LGR6: variants seen among roughly 807,000 people sequenced by gnomAD.
The protein encoded by LGR6 is leucine rich repeat containing G protein-coupled receptor 6.
A neutral mutation model predicts 69.4 loss-of-function variants in LGR6; 45 were observed. The ratio of observed to expected loss-of-function variants is 0.65; its 90% CI spans 0.51 to 0.83. LGR6 has a LOEUF of 0.83. Among genes scored for constraint, LGR6 ranks in the 40% least tolerant of loss-of-function variants. The pLI is 0.00. For missense variants in LGR6, 1,108 were observed against 1,246.7 expected, an observed-to-expected ratio of 0.89 and a Z score of 1.68; for synonymous variants, 538 against 555.0, an observed-to-expected ratio of 0.97 and a Z score of 0.43.
intron 4 of LGR6, among the ~76,000 whole-genome samples, chr1:202,262,661 ATAC>A (rs1227467152): frequency 6.6e-6 from 1 of 152,172 alleles, no homozygotes; most frequent in Non-Finnish European, 1.5e-5. Context: ...ATCCTCTGGA[ATAC>A]CTATGATTCT....
Position 202,319,243 on chromosome 1 carries a change from C to G in LGR6, c.*36C>G. The G allele has an allele frequency of 6.6e-7, 1 of 1,522,634 alleles. No individual in the cohort carries two copies. The highest frequency in any genetic ancestry group is 8.8e-7 in the Non-Finnish European group (1 of 1,136,144). The allele number at this position is 1,522,634 out of a possible 1,614,324, so 94.3% of individuals were successfully genotyped here. On this transcript the variant is annotated 3_prime_UTR_variant, in exon 18 of 18. Transcript: ENST00000367278. ...CCATTCTTCTCTTCCCCTCTCTTCCCTTTCCTCTCTCCCCCTCGGTGAATG... is the reference window on the plus strand; with the variant it reads ...CCATTCTTCTCTTCCCCTCTCTTCCGTTTCCTCTCTCCCCCTCGGTGAATG...
chr1:202,310,154 A>G (rs1572017501), intron 15 of LGR6, 43 bp from the exon 16 acceptor site: 2 of 1,607,250 alleles, frequency 1.2e-6, no homozygotes, highest in Non-Finnish European at 1.7e-6. Context: ...CTTAGACCCC[A>G]AAGATGCTGA....
intron 1 of LGR6, among the ~76,000 whole-genome samples, chr1:202,207,084 A>AT (rs1659276822): frequency 6.6e-6 from 1 of 151,788 alleles, no homozygotes; most frequent in Admixed American, 6.6e-5. Flanking sequence ...TGCCCAGCTA[A>AT]TTTTTGTATT....
intron 3 of LGR6, among the ~76,000 whole-genome samples, chr1:202,233,864 T>C (rs182193328): frequency 6.6e-6 from 1 of 152,070 alleles, no homozygotes; most frequent in Non-Finnish European, 1.5e-5. Flanking sequence ...AACTTATAGA[T>C]AAGAAAAGAG....
intron 4 of LGR6, among the ~76,000 whole-genome samples, chr1:202,267,382 T>G (rs1237114689): frequency 3.3e-5 from 5 of 152,186 alleles, no homozygotes; most frequent in African/African-American, 1.2e-4. Flanking sequence ...CACTGTTTAG[T>G]CCCTTTGGCT....
Position 202,235,903 on chromosome 1 carries a change from C to T in LGR6, c.357-19C>T, listed in dbSNP as rs773444200. 1 of 1,613,234 alleles carries T rather than the reference C, an allele frequency of 6.2e-7. No homozygotes were observed. The highest frequency in any genetic ancestry group is 1.1e-5 in the South Asian group (1 of 91,054). On this transcript the variant is annotated intron_variant, in intron 3 of 17. Transcript: ENST00000367278. ...TGCATACCATGTGCGTCCTTAAAGCCCTTTCTCTTCTCCCGTAGGATGCTG... is the reference window on the plus strand; with the variant it reads ...TGCATACCATGTGCGTCCTTAAAGCTCTTTCTCTTCTCCCGTAGGATGCTG...
chr1:202,318,865 T>C lies in LGR6; in HGVS notation c.2562T>C (p.Ala854=). The C allele has an allele frequency of 6.2e-7, 1 of 1,613,828 alleles. No homozygotes were observed. The highest frequency in any genetic ancestry group is 8.5e-7 in the Non-Finnish European group (1 of 1,179,892). Residue 854 remains alanine, a synonymous_variant, in exon 18 of 18, where the codon GCT becomes GCC. Coordinates refer to ENST00000367278, the MANE Select transcript of LGR6 (RefSeq NM_001017403.2). ...GGGACTCAGGGCCCCTAGCCTATGCTGCGGCCGGGGAGCTGGAGAAGAGCT... is the reference window on the plus strand; with the variant it reads ...GGGACTCAGGGCCCCTAGCCTATGCCGCGGCCGGGGAGCTGGAGAAGAGCT... The part of the protein sequence containing the change: ...RAGDSGPLAY[A]AAGELEKSSC...
chr1:202,231,265 C>CGTGCCTGGCT (rs1423438248), intron 3 of LGR6, among the ~76,000 whole-genome samples: 97 of 152,362 alleles, frequency 6.4e-4, no homozygotes, highest in African/African-American at 2.2e-3. Context: ...AGGCAGTGAC[C>CGTGCCTGGCT]ATGCCTGGCT....
At chr1:202,214,322 G>A (rs1659612490) in intron 1 of LGR6, 1 of 1,334,424 alleles carries the variant, frequency 7.5e-7, no homozygotes, top group Non-Finnish European at 1.0e-6. Context: ...AAACCGACGC[G>A]ACGGGTGGGG....
At chr1:202,253,714 C>T (rs1313077023) in intron 4 of LGR6, among the ~76,000 whole-genome samples, 7 of 147,358 alleles carry the variant, frequency 4.8e-5, no homozygotes, top group African/African-American at 1.0e-4. Context: ...CTGCAACCTC[C>T]GCCTCCTGGG....
At chr1:202,301,448 G>T (rs1019422076) in intron 9 of LGR6, among the ~76,000 whole-genome samples, 7 of 152,190 alleles carry the variant, frequency 4.6e-5, no homozygotes, top group Non-Finnish European at 1.0e-4. Flanking sequence ...CTGAACTGTG[G>T]CTTCTTCCCA....
At chr1:202,194,711 G>GGGGGGGGGGT in intron 1 of LGR6, 1 of 264,970 alleles carries the variant, frequency 3.8e-6, no homozygotes, top group South Asian at 2.9e-5. Flanking sequence ...GGGGCGGGGG[G>GGGGGGGGGGT]GGCGGGTTTC....
At chr1:202,200,153 C>G (rs1386780085) in intron 1 of LGR6, among the ~76,000 whole-genome samples, 1 of 152,178 alleles carries the variant, frequency 6.6e-6, no homozygotes. Flanking sequence ...GCTCCTGGGC[C>G]GGGATGGTGG....
At position 202,293,166 on chromosome 1, in the gene LGR6, T is replaced by A. The variant is rs368623818; in HGVS notation, c.717-4342T>A. Among the ~76,000 whole-genome samples, 5 of 152,298 alleles carry A rather than the reference T, an allele frequency of 3.3e-5. No individual in the cohort carries two copies. In the East Asian group the frequency reaches 5.8e-4, roughly 18 times the overall value. On this transcript the variant is annotated intron_variant, in intron 6 of 17. Coordinates refer to ENST00000367278, the MANE Select transcript of LGR6 (RefSeq NM_001017403.2). Reference sequence around the variant, plus strand: ...ATGACTTGGAGGCAGGGACAGCAGATAAGAAGTGTATAGCAGTCCAGAGGA... The same window carrying A: ...ATGACTTGGAGGCAGGGACAGCAGAAAAGAAGTGTATAGCAGTCCAGAGGA...
intron 1 of LGR6, chr1:202,203,871 G>T: frequency 3.0e-5 from 49 of 1,612,776 alleles, no homozygotes; most frequent in Non-Finnish European, 4.2e-5. Flanking sequence ...AATCATCTCT[G>T]CCCGGTGAGT....
chr1:202,260,667 C>T (rs1342360302), intron 4 of LGR6, among the ~76,000 whole-genome samples: 1 of 152,160 alleles, frequency 6.6e-6, no homozygotes, highest in African/African-American at 2.4e-5. Context: ...CTCTTGATTG[C>T]CTGTAGTATA....
At chr1:202,218,377 C>A (rs1391958892) in intron 1 of LGR6, among the ~76,000 whole-genome samples, 1 of 152,184 alleles carries the variant, frequency 6.6e-6, no homozygotes, top group Non-Finnish European at 1.5e-5. Context: ...TAGCTCACTG[C>A]AGCTTCAAAC....
chr1:202,255,564 G>A (rs567442313), intron 4 of LGR6, among the ~76,000 whole-genome samples: 1 of 152,114 alleles, frequency 6.6e-6, no homozygotes, highest in Non-Finnish European at 1.5e-5. Context: ...CTCTCCAACA[G>A]CCTGGGAGTT....
chr1:202,234,276 A>G (rs890258508), intron 3 of LGR6, among the ~76,000 whole-genome samples: 64 of 152,278 alleles, frequency 4.2e-4, no homozygotes, highest in African/African-American at 1.5e-3. Flanking sequence ...AGGGGTCCCC[A>G]AAGTCTGTCT....
Sources: gnomAD v4.1 joint callset for allele counts (sites outside exome capture counted in the v4.1 genomes callset) on GRCh38, gnomAD v4.1.1 for gene constraint, MANE v1.5 for transcripts, NCBI Gene and HGNC (gene_info 2026-07-23, HGNC 2026-07-21) for gene names.